Variants in SACS observed in about 807,000 individuals in gnomAD.
SACS encodes sacsin molecular chaperone, also known as sacsin.
A neutral mutation model predicts 348.0 loss-of-function variants in SACS; 197 were observed. The ratio of observed to expected loss-of-function variants is 0.57; its 90% CI spans 0.50 to 0.64. The LOEUF (loss-of-function observed/expected upper bound fraction) is 0.64, where lower values mean the gene tolerates loss of function less well. SACS is among the 30% of genes least tolerant of loss of function. SACS has a pLI of 0.00. For missense variants in SACS, 4,999 were observed against 5,360.8 expected (o/e 0.93, Z 2.11); for synonymous variants, 1,985 against 1,910.6 (o/e 1.04, Z -1.02).
In SACS at chr13:23,358,427, C is replaced by T. The variant is rs960307305; in HGVS notation, c.512G>A (p.Gly171Asp). The change falls in exon 7 of 10, where the codon GGC becomes GAC. Residue 171 changes from glycine to aspartate, a missense_variant. Gly to Asp is a moderately conservative substitution (Grantham distance 94). Transcript: ENST00000382292. ...CCTGCTTCTTGCTATTTCTTGAATG[C>T]CGTGCCAGTCCTCTGGGGTGAAAAC... ...NAVFTPEDWHGIQEIARSRKK... is the reference protein window; with the variant it reads ...NAVFTPEDWHDIQEIARSRKK... 6 of 1,614,030 alleles carry T rather than the reference C, an allele frequency of 3.7e-6. No individual in the cohort carries two copies. Among genetic ancestry groups the T allele is most frequent in the Non-Finnish European group, 5.1e-6 (6 of 1,180,016 alleles).
chr13:23,416,753 T>TA (rs34241276), intron 1 of SACS, among the ~76,000 whole-genome samples: 15,923 of 137,686 alleles, frequency 0.12, 833 homozygotes, highest in African/African-American at 0.14. Context: ...AACTCCATCT[T>TA]AAAAAAAAAA....
At position 23,358,316 on chromosome 13, in the gene SACS, G is replaced by A. The variant is rs763783361; in HGVS notation, c.604+19C>T. On this transcript the variant is annotated intron_variant, in intron 7 of 9. Coordinates refer to ENST00000382292, the MANE Select transcript of SACS (RefSeq NM_014363.6). ...TATAATATTTTCTAATACCAAGACC[G>A]AAAAGCCTAATACTCTACCTGTTAT... 3.2e-5 allele frequency: 51 copies of A among 1,611,448 alleles called. No individual in the cohort carries two copies. Among genetic ancestry groups the A allele is most frequent in the Non-Finnish European group, 4.0e-5 (47 of 1,177,776 alleles).
chr13:23,399,659 G>A (rs1165410824), intron 2 of SACS, among the ~76,000 whole-genome samples: 1 of 151,996 alleles, frequency 6.6e-6, no homozygotes, highest in Non-Finnish European at 1.5e-5. Context: ...CCTTTGTTTG[G>A]TGTGTTCTCC....
rs1318561870 is a variant in SACS at position 23,338,467 on chromosome 13, CTTTT to C, written c.5405_5408del (p.Lys1802SerfsTer11). 6.2e-7 allele frequency: 1 copy of C among 1,614,036 alleles called. No homozygotes were observed. Among genetic ancestry groups the C allele is most frequent in the African/African-American group, 1.3e-5 (1 of 74,912 alleles). On this transcript the variant is annotated frameshift_variant, in exon 10 of 10. Coordinates refer to ENST00000382292, the MANE Select transcript of SACS (RefSeq NM_014363.6). LOFTEE classifies it high-confidence loss of function. Reference sequence around the variant, plus strand: ...TTTTCTGTGACAACTCATCTGATGGCTTTTTTGATTGGCCAGACTTAGCCATTTC... The same window carrying C: ...TTTTCTGTGACAACTCATCTGATGGCTTGATTGGCCAGACTTAGCCATTTC...
chr13:23,352,227 G>GA (rs376565284), intron 9 of SACS, among the ~76,000 whole-genome samples: 1 of 152,260 alleles, frequency 6.6e-6, no homozygotes, highest in African/African-American at 2.4e-5. Context: ...TTCTTTAAAA[G>GA]AAAGTAATAA....
intron 1 of SACS, among the ~76,000 whole-genome samples, chr13:23,431,875 G>A (rs1250626271): frequency 6.6e-6 from 1 of 152,218 alleles, no homozygotes; most frequent in African/African-American, 2.4e-5. Flanking sequence ...TTTGGGAAAT[G>A]GTGCATGAAC....
chr13:23,368,472 G>C lies in SACS; in HGVS notation c.275C>G (p.Thr92Arg). Residue 92 changes from threonine (T) to arginine (R), a missense_variant, in exon 5 of 10, where the codon ACA becomes AGA. Transcript: ENST00000382292. Reference protein sequence around the residue: ...GLKGGGRFGQTTPPLVDFLKD... With the variant: ...GLKGGGRFGQRTPPLVDFLKD... ...GAGAAAATCAACAAGTGGTGGCGTT[G>C]TCTGACCAAATCGACCTAAAATACG... 6.2e-7 allele frequency: 1 copy of C among 1,612,668 alleles called. No homozygotes were observed. The highest frequency in any genetic ancestry group is 1.1e-5 in the South Asian group (1 of 90,718).
Position 23,332,220 on chromosome 13 carries a change from T to C in SACS, c.11656A>G (p.Arg3886Gly), listed in dbSNP as rs370621823. The C allele has an allele frequency of 5.6e-6, 9 of 1,613,880 alleles. No individual in the cohort carries two copies. The highest frequency in any genetic ancestry group is 2.2e-5 in the East Asian group (1 of 44,896). The change falls in exon 10 of 10, where the codon AGG becomes GGG. Residue 3886 changes from arginine to glycine, a missense_variant. Coordinates refer to ENST00000382292, the MANE Select transcript of SACS (RefSeq NM_014363.6). ...TVKRVVSGLFRSLQNDSVKVR... is the reference protein window; with the variant it reads ...TVKRVVSGLFGSLQNDSVKVR... ...TTGACTGAATCATTCTGTAGACTCCTGAACAGACCAGAAACTACTCTCTTA... is the reference window on the plus strand; with the variant it reads ...TTGACTGAATCATTCTGTAGACTCCCGAACAGACCAGAAACTACTCTCTTA...
chr13:23,374,259 G>A (rs538884566), intron 3 of SACS, among the ~76,000 whole-genome samples: 1 of 152,298 alleles, frequency 6.6e-6, no homozygotes, highest in South Asian at 2.1e-4. Flanking sequence ...CTAGAAAACT[G>A]ACTCAAGTAC....
chr13:23,427,123 T>C (rs1383722778), intron 1 of SACS: 2 of 152,212 alleles, frequency 1.3e-5, no homozygotes, highest in East Asian at 3.8e-4. Context: ...GCCTTATCCA[T>C]GAACTGTATC....
intron 6 of SACS, among the ~76,000 whole-genome samples, chr13:23,362,465 T>C (rs906711016): frequency 1.3e-5 from 2 of 152,116 alleles, no homozygotes; most frequent in African/African-American, 4.8e-5. Context: ...ACTGCTCACA[T>C]CTGAATGCAA....
At chr13:23,406,612 A>G (rs1873228221) in intron 2 of SACS, among the ~76,000 whole-genome samples, 1 of 152,242 alleles carries the variant, frequency 6.6e-6, no homozygotes, top group Non-Finnish European at 1.5e-5. Flanking sequence ...TTCTCTTACC[A>G]TGAATTCGTA....
At chr13:23,389,770 T>C (rs950709487) in intron 2 of SACS, among the ~76,000 whole-genome samples, 4 of 152,252 alleles carry the variant, frequency 2.6e-5, no homozygotes, top group Admixed American at 2.6e-4. Flanking sequence ...TCTTTTTGTA[T>C]TCTGCATTTA....
chr13:23,340,323 C>CT lies in SACS; in HGVS notation c.3552dup (p.Asp1185ArgfsTer4). 6.2e-7 allele frequency: 1 copy of CT among 1,614,020 alleles called. No individual in the cohort carries two copies. The highest frequency in any genetic ancestry group is 8.5e-7 in the Non-Finnish European group (1 of 1,179,970). On this transcript the variant is annotated frameshift_variant, in exon 10 of 10. Transcript: ENST00000382292. LOFTEE classifies it high-confidence loss of function. The stretch of plus-strand genomic sequence containing the variant: ...ATTGCATGGCCTACATCACACATAT[C>CT]TGGTGGTGCACAGAGATTACAGAGA...
intron 2 of SACS, among the ~76,000 whole-genome samples, chr13:23,388,202 C>G (rs1872374589): frequency 6.6e-6 from 1 of 151,916 alleles, no homozygotes; most frequent in Admixed American, 6.6e-5. Flanking sequence ...GGAGCGGTGG[C>G]TCACACCTGT....
rs774806944 is a variant in SACS at position 23,330,279 on chromosome 13, T to C, written c.13597A>G (p.Ser4533Gly). 2 of 1,614,114 alleles carry C rather than the reference T, an allele frequency of 1.2e-6. No individual in the cohort carries two copies. Among genetic ancestry groups the C allele is most frequent in the African/African-American group, 2.7e-5 (2 of 74,952 alleles). Residue 4533 changes from serine to glycine, a missense_variant, in exon 10 of 10, where the codon AGT becomes GGT. Transcript: ENST00000382292. ...VHTLEAYGVD[S>G]LKTRYPDLLP... ...AAATCAGGGTATCTTGTTTTTAAAC[T>C]GTCTACACCATAAGCTTCCAATGTG...
chr13:23,352,976 T>C (rs1478713589), intron 9 of SACS, among the ~76,000 whole-genome samples: 1 of 152,120 alleles, frequency 6.6e-6, no homozygotes. Context: ...AAAAAGTACA[T>C]TCCATAAAAG....
intron 1 of SACS, among the ~76,000 whole-genome samples, chr13:23,421,798 C>T (rs1873957560): frequency 6.6e-6 from 1 of 151,934 alleles, no homozygotes. Context: ...CACCAGGGGC[C>T]TAGGCATCCA....
In SACS at chr13:23,354,700, A is replaced by C. The variant is rs200333323; in HGVS notation, c.1912T>G (p.Cys638Gly). 190 of 1,613,762 alleles carry C rather than the reference A, an allele frequency of 1.2e-4. No homozygotes were observed. The highest frequency in any genetic ancestry group is 1.7e-4 in the Admixed American group (10 of 60,000). ...TCTTCAGCACAGCCCAGGTGTGCAC[A>C]CTTCCGCAGCACCTGCCGCACCCAC... is the stretch of plus-strand genomic sequence containing the variant. ...PAWVRQVLRK[C>G]AHLGCAEEKL... The change falls in exon 8 of 10, where the codon TGT becomes GGT. Residue 638 changes from cysteine (C) to glycine (G), a missense_variant. Transcript: ENST00000382292.
Sources: allele counts gnomAD v4.1 joint callset (sites outside exome capture counted in the v4.1 genomes callset), GRCh38; gene constraint gnomAD v4.1.1; transcripts MANE v1.5; gene names NCBI Gene and HGNC (gene_info 2026-07-23, HGNC 2026-07-21).